Variants in MYH3 observed in about 807,000 individuals in gnomAD.
MYH3 encodes the protein myosin-3.
A neutral mutation model predicts 238.0 loss-of-function variants in MYH3; 130 were observed. The ratio of observed to expected loss-of-function variants is 0.55; its 90% CI spans 0.47 to 0.63. The LOEUF (loss-of-function observed/expected upper bound fraction) is 0.63, where lower values mean the gene tolerates loss of function less well. Among genes scored for constraint, MYH3 ranks in the 30% least tolerant of loss-of-function variants. The pLI, the probability that MYH3 is intolerant of heterozygous loss-of-function variation, is 0.00. For missense variants in MYH3, 1,853 were observed against 2,374.9 expected (o/e 0.78, Z 4.57); for synonymous variants, 880 against 924.1 (o/e 0.95, Z 0.86).
At chr17:10,652,077 T>C (rs2074381440) in intron 4 of MYH3, 1 of 403,496 alleles carries the variant, frequency 2.5e-6, no homozygotes, top group Non-Finnish European at 4.7e-6. Flanking sequence ...TGGGATAAAC[T>C]TATAAAGGGG....
At chr17:10,637,063 C>CT (rs111976484) in intron 28 of MYH3, among the ~76,000 whole-genome samples, 86,403 of 145,368 alleles carry the variant, frequency 0.59, 27,968 homozygotes, top group Non-Finnish European at 0.75. Flanking sequence ...TTCCCTTAAA[C>CT]TTTTTTTTTT....
intron 4 of MYH3, 83 bp from the exon 5 acceptor site, chr17:10,651,751 T>G (rs1000400754): frequency 2.6e-6 from 4 of 1,513,874 alleles, no homozygotes; most frequent in Admixed American, 2.1e-5. Flanking sequence ...ATTATTGTTT[T>G]TTTTTTTTTT....
chr17:10,639,993 T>A lies in MYH3; in HGVS notation c.2682+3A>T, dbSNP rs200560096. 1 of 1,613,420 alleles carries A rather than the reference T, an allele frequency of 6.2e-7. No homozygotes were observed. Among genetic ancestry groups the A allele is most frequent in the African/African-American group, 1.3e-5 (1 of 74,914 alleles). On this transcript the variant is annotated splice_donor_region_variant and intron_variant, in intron 22 of 40. Coordinates refer to ENST00000583535, the MANE Select transcript of MYH3 (RefSeq NM_002470.4). ...AAAAAAAAAAAGATTGCTAAACACG[T>A]ACAGCTTGTACTTGGAGCTGCAGGT...
At position 10,635,362 on chromosome 17, in the gene MYH3, C is replaced by A; in HGVS notation, c.4172+5G>T. The A allele has an allele frequency of 6.2e-7, 1 of 1,614,032 alleles. No homozygotes were observed. The highest frequency in any genetic ancestry group is 8.5e-7 in the Non-Finnish European group (1 of 1,179,872). ...GTTCTTCTAAAAGCAAACAGAGCTG[C>A]GCACTTGGCCTCCTCCAGCTCTTCT... On this transcript the variant is annotated splice_donor_5th_base_variant and intron_variant, in intron 30 of 40. Transcript: ENST00000583535.
Position 10,640,628 on chromosome 17 carries a change from C to T in MYH3, c.2224G>A (p.Ala742Thr). The change falls in exon 20 of 41, where the codon GCC (alanine) becomes ACC (threonine). Residue 742 changes from alanine (A) to threonine (T), a missense_variant. Ala to Thr is a moderately conservative substitution (Grantham distance 58). Coordinates refer to ENST00000583535, the MANE Select transcript of MYH3 (RefSeq NM_002470.4). Reference sequence around the variant, plus strand: ...ATGGATGCCAGAAGCTTTTCACAGGCTTTCTTGCTGTCAATGAATTGTCCC... The same window carrying T: ...ATGGATGCCAGAAGCTTTTCACAGGTTTTCTTGCTGTCAATGAATTGTCCC... ...PEGQFIDSKK[A>T]CEKLLASIDI... 10 of 1,614,218 alleles carry T rather than the reference C, an allele frequency of 6.2e-6. No individual in the cohort carries two copies. The highest frequency in any genetic ancestry group is 8.5e-6 in the Non-Finnish European group (10 of 1,180,024).
the MYH3 span, chr17:10,677,015 G>A: frequency 6.6e-6 from 1 of 152,146 alleles, no homozygotes; most frequent in Non-Finnish European, 1.5e-5. Context: ...TAAGTAAAAA[G>A]CACAAACTAG....
intron 31 of MYH3, among the ~76,000 whole-genome samples, chr17:10,634,542 A>G (rs915852406): frequency 6.6e-5 from 10 of 152,358 alleles, no homozygotes; most frequent in Non-Finnish European, 8.8e-5. Context: ...AAGCCTCCCA[A>G]TAGGATCTCA....
Position 10,632,710 on chromosome 17 carries a change from A to G in MYH3, c.4722T>C (p.Asp1574=), listed in dbSNP as rs754749257. Reference sequence around the variant, plus strand: ...CTTCATCCTTCTCGGCGATCTTTCTATCAATTTCTGATTTCACTTGTGTCA... The same window carrying G: ...CTTCATCCTTCTCGGCGATCTTTCTGTCAATTTCTGATTTCACTTGTGTCA... ...LELTQVKSEI[D]RKIAEKDEEI... is the part of the protein sequence containing the mutation. Residue 1574 remains aspartate, a synonymous_variant, in exon 34 of 41, where the codon GAT becomes GAC. Transcript: ENST00000583535. 1 of 1,614,066 alleles carries G rather than the reference A, an allele frequency of 6.2e-7. No homozygotes were observed. Among genetic ancestry groups the G allele is most frequent in the Non-Finnish European group, 8.5e-7 (1 of 1,180,006 alleles).
chr17:10,639,998 C>T lies in MYH3; in HGVS notation c.2680G>A (p.Ala894Thr). Residue 894 changes from alanine to threonine, a missense_variant and splice_region_variant, in exon 22 of 41, where the codon GCT (alanine) becomes ACT (threonine). Physicochemically the swap from Ala to Thr is moderately conservative, Grantham distance 58. This residue lies in a region of MYH3 where 678 missense variants were observed against 1,058.9 expected (regional missense o/e 0.64). Coordinates refer to ENST00000583535, the MANE Select transcript of MYH3 (RefSeq NM_002470.4). ...EKNDLQLQVQ[A>T]ESENLLDAEE... ...AAAAAAGATTGCTAAACACGTACAG[C>T]TTGTACTTGGAGCTGCAGGTCATTC... 1.2e-6 allele frequency: 2 copies of T among 1,613,400 alleles called. No homozygotes were observed. The highest frequency in any genetic ancestry group is 1.7e-5 in the Admixed American group (1 of 59,970).
chr17:10,670,473 TTTG>T, the MYH3 span, among the ~76,000 whole-genome samples: 2 of 152,306 alleles, frequency 1.3e-5, no homozygotes, highest in African/African-American at 4.8e-5. The surrounding 1 kb of genome is among the most constrained non-coding windows in gnomAD (Gnocchi z 7.0). Flanking sequence ...TTTACAGTGT[TTTG>T]TTTGTTTGCT....
At chr17:10,677,688 C>A in the MYH3 span, 1 of 152,176 alleles carries the variant, frequency 6.6e-6, no homozygotes, top group Admixed American at 6.5e-5. Context: ...TACATTCATG[C>A]CTACTGCATT....
intron 29 of MYH3, 74 bp downstream of exon 29, chr17:10,635,661 G>A (rs2074207559): frequency 1.2e-6 from 2 of 1,613,086 alleles, no homozygotes; most frequent in Non-Finnish European, 1.7e-6. Context: ...TCTGAATGAA[G>A]TTGCCTTTTA....
intron 10 of MYH3, among the ~76,000 whole-genome samples, chr17:10,646,573 C>A (rs1052584207): frequency 6.6e-6 from 1 of 151,998 alleles, no homozygotes; most frequent in African/African-American, 2.4e-5. Flanking sequence ...TCGCATTTGG[C>A]CATAGGTTGT....
intron 6 of MYH3, 58 bp downstream of exon 6, chr17:10,650,316 T>G (rs151066709): frequency 4.2e-5 from 64 of 1,535,880 alleles, no homozygotes; most frequent in Non-Finnish European, 5.4e-5. Flanking sequence ...CACTTTCTAA[T>G]GAACAGAATA....
At chr17:10,646,103 C>G in intron 10 of MYH3, 71 bp from the exon 11 acceptor site, 1 of 1,306,820 alleles carries the variant, frequency 7.7e-7, no homozygotes, top group Non-Finnish European at 1.1e-6. Flanking sequence ...ACTTGAGCTC[C>G]TGCACCCTGG....
At chr17:10,661,604 G>A (rs2074480705), upstream of MYH3, among the ~76,000 whole-genome samples, 1 of 152,166 alleles carries the variant, frequency 6.6e-6, no homozygotes, top group South Asian at 2.1e-4. Context: ...GGCTCAGCAG[G>A]CAATGAATCA....
intron 10 of MYH3, among the ~76,000 whole-genome samples, chr17:10,646,675 C>CTA (rs1447102419): frequency 6.6e-6 from 1 of 152,196 alleles, no homozygotes; most frequent in Non-Finnish European, 1.5e-5. Context: ...CAGGAGTGGT[C>CTA]TAATCTTGTT....
Position 10,654,822 on chromosome 17 carries a change from G to A in MYH3, c.204+39C>T. The A allele has an allele frequency of 6.3e-7, 1 of 1,597,782 alleles. No individual in the cohort carries two copies. Among genetic ancestry groups the A allele is most frequent in the East Asian group, 2.2e-5 (1 of 44,770 alleles). ...TACCCCAGGCAAGCACAAGGACCAG[G>A]TGGAGGGCCAGCAGCCTGTGGAGGG... On this transcript the variant is annotated intron_variant, in intron 3 of 40. Coordinates refer to ENST00000583535, the MANE Select transcript of MYH3 (RefSeq NM_002470.4). The surrounding 1 kb of genome is among the most constrained non-coding windows in gnomAD (Gnocchi z 4.5).
the MYH3 span, chr17:10,677,600 A>G: frequency 6.6e-6 from 1 of 152,196 alleles, no homozygotes; most frequent in African/African-American, 2.4e-5. Flanking sequence ...CCCAACTCGC[A>G]TATTTTACTG....
Sources: allele counts gnomAD v4.1 joint callset (sites outside exome capture counted in the v4.1 genomes callset), GRCh38; gene constraint gnomAD v4.1.1; regional missense constraint gnomAD v4.1.1; non-coding constraint Gnocchi (gnomAD v3.1); transcripts MANE v1.5; gene names NCBI Gene and HGNC (gene_info 2026-07-23, HGNC 2026-07-21).